Variants in DLGAP2 observed in about 807,000 individuals in gnomAD.
DLGAP2 encodes disks large-associated protein 2.
In DLGAP2, 26 loss-of-function variants were observed where a neutral mutation model predicts 100.3. The ratio of observed to expected loss-of-function variants is 0.26; its 90% CI spans 0.19 to 0.36. The LOEUF is 0.36. Ranked by LOEUF, DLGAP2 falls within the 10% of genes least tolerant of loss-of-function variation. The probability of loss-of-function intolerance (pLI) is 1.00; values close to 1 mark genes in which losing one functional copy is unlikely to be tolerated. For synonymous variants in DLGAP2, 886 were observed against 630.1 expected (o/e 1.41, Z -6.08); for missense variants, 1,858 against 1,453.2 (o/e 1.28, Z -4.53).
intron 3 of DLGAP2, among the ~76,000 whole-genome samples, chr8:1,278,365 A>G (rs1426100666): frequency 6.6e-6 from 1 of 152,198 alleles, no homozygotes; most frequent in Admixed American, 6.5e-5. Context: ...TCTGCTCCCC[A>G]TGTCATCGGC....
At chr8:1,590,212 G>A (rs975877931) in intron 6 of DLGAP2, among the ~76,000 whole-genome samples, 3 of 152,160 alleles carry the variant, frequency 2.0e-5, no homozygotes, top group Admixed American at 2.0e-4. Flanking sequence ...CGTCTGCAGT[G>A]ACCCTATTTC....
intron 1 of DLGAP2, among the ~76,000 whole-genome samples, chr8:899,699 C>T (rs1798212782): frequency 6.6e-6 from 1 of 152,202 alleles, no homozygotes; most frequent in Non-Finnish European, 1.5e-5. Flanking sequence ...ATTCTAGAAA[C>T]AAACCTAAGG....
intron 2 of DLGAP2, among the ~76,000 whole-genome samples, chr8:1,004,722 C>T (rs1801056560): frequency 6.6e-6 from 1 of 152,206 alleles, no homozygotes; most frequent in South Asian, 2.1e-4. Flanking sequence ...GCATCTTTCT[C>T]AGCTGGGAGG....
chr8:888,146 T>C (rs901726643), intron 1 of DLGAP2, among the ~76,000 whole-genome samples: 1 of 152,220 alleles, frequency 6.6e-6, no homozygotes, highest in Non-Finnish European at 1.5e-5. Context: ...ATCTTCAAAC[T>C]CTGATATCCT....
intron 2 of DLGAP2, among the ~76,000 whole-genome samples, chr8:949,957 A>C (rs1244746452): frequency 1.3e-5 from 2 of 152,200 alleles, no homozygotes; most frequent in African/African-American, 4.8e-5. Flanking sequence ...TGGGCCCAGC[A>C]GCTTTTAGTA....
At chr8:1,049,125 C>A (rs1208556477) in intron 2 of DLGAP2, among the ~76,000 whole-genome samples, 1 of 152,172 alleles carries the variant, frequency 6.6e-6, no homozygotes, top group Non-Finnish European at 1.5e-5. Context: ...TTGTGGCGGG[C>A]ACTGTCAATA....
intron 2 of DLGAP2, among the ~76,000 whole-genome samples, chr8:1,209,737 T>C (rs1798065135): frequency 6.6e-6 from 1 of 152,096 alleles, no homozygotes; most frequent in Non-Finnish European, 1.5e-5. Context: ...TTTAAAGGTG[T>C]TTTTCCAGGA....
chr8:1,196,622 G>A (rs1406930639), intron 2 of DLGAP2, among the ~76,000 whole-genome samples: 1 of 152,202 alleles, frequency 6.6e-6, no homozygotes, highest in African/African-American at 2.4e-5. Flanking sequence ...TCTGCAGGTC[G>A]AGGGGGGTAT....
intron 8 of DLGAP2, among the ~76,000 whole-genome samples, chr8:1,647,487 TCAAAAAAAAAAAAA>T (rs1798067774): frequency 7.2e-5 from 1 of 13,972 alleles, no homozygotes; most frequent in East Asian, 2.1e-3. Context: ...AGACTCTGTC[TCAAAAAAAAAAAAA>T]AAAAAAAAAA....
intron 6 of DLGAP2, among the ~76,000 whole-genome samples, chr8:1,566,124 C>A (rs376816541): frequency 6.6e-6 from 1 of 152,156 alleles, no homozygotes; most frequent in Non-Finnish European, 1.5e-5. Flanking sequence ...GGGCAACTTC[C>A]TTGTCAAATT....
intron 2 of DLGAP2, among the ~76,000 whole-genome samples, chr8:1,131,349 A>G (rs1009196644): frequency 2.0e-5 from 3 of 152,154 alleles, no homozygotes; most frequent in African/African-American, 4.8e-5. Context: ...TGGATACTCC[A>G]GATCCACGTG....
intron 2 of DLGAP2, among the ~76,000 whole-genome samples, chr8:971,476 C>T (rs969224549): frequency 2.0e-5 from 3 of 152,220 alleles, no homozygotes; most frequent in African/African-American, 7.2e-5. Flanking sequence ...CTTGTTACCA[C>T]CACTGGGAGA....
At chr8:1,637,557 A>G (rs892561098) in intron 8 of DLGAP2, among the ~76,000 whole-genome samples, 2 of 152,160 alleles carry the variant, frequency 1.3e-5, no homozygotes, top group East Asian at 3.9e-4. Flanking sequence ...AAATGAATGA[A>G]AAAAGTCACA....
intron 1 of DLGAP2, among the ~76,000 whole-genome samples, chr8:790,492 G>A (rs768683892): frequency 1.3e-5 from 2 of 152,210 alleles, no homozygotes; most frequent in Admixed American, 6.5e-5. Context: ...TTAGCATAGA[G>A]ATCAGAATGT....
chr8:785,475 C>A (rs1257226056), intron 1 of DLGAP2, among the ~76,000 whole-genome samples: 1 of 147,236 alleles, frequency 6.8e-6, no homozygotes, highest in Non-Finnish European at 1.5e-5. Flanking sequence ...CCCTCCTCCC[C>A]TCAGCCCCTG....
intron 1 of DLGAP2, among the ~76,000 whole-genome samples, chr8:846,961 C>T (rs1345318984): frequency 6.6e-6 from 1 of 152,112 alleles, no homozygotes; most frequent in East Asian, 1.9e-4. Context: ...TCCTGTTTTT[C>T]TTGTTAGGGT....
intron 2 of DLGAP2, among the ~76,000 whole-genome samples, chr8:1,036,230 C>T (rs1443653787): frequency 5.3e-5 from 8 of 152,082 alleles, no homozygotes; most frequent in East Asian, 3.9e-4. Context: ...CGCGTGTCAC[C>T]GCGAGTGGAT....
chr8:868,866 A>C (rs529447362), intron 1 of DLGAP2, among the ~76,000 whole-genome samples: 10 of 152,332 alleles, frequency 6.6e-5, no homozygotes, highest in Non-Finnish European at 2.9e-5. Flanking sequence ...GTGAGGGTGA[A>C]GTGGGGGCCG....
chr8:1,443,386 T>C (rs1037032152), intron 3 of DLGAP2, among the ~76,000 whole-genome samples: 2 of 152,176 alleles, frequency 1.3e-5, no homozygotes, highest in Non-Finnish European at 2.9e-5. Context: ...TGGATGTTAA[T>C]ACTTCCAGCC....
Sources: allele counts gnomAD v4.1 joint callset (sites outside exome capture counted in the v4.1 genomes callset), GRCh38; gene constraint gnomAD v4.1.1; transcripts MANE v1.5; gene names NCBI Gene and HGNC (gene_info 2026-07-23, HGNC 2026-07-21).